ATXN1: variants seen among roughly 807,000 people sequenced by gnomAD.
The protein encoded by ATXN1 is ataxin-1.
ATXN1 carries 8 observed loss-of-function variants against 56.4 expected under a neutral mutation model. That is an observed-to-expected ratio of 0.14 (90% CI 0.08 to 0.26). The LOEUF is 0.26. Among genes scored for constraint, ATXN1 ranks in the 10% least tolerant of loss-of-function variants. The pLI, the probability that ATXN1 is intolerant of heterozygous loss-of-function variation, is 1.00. For synonymous variants in ATXN1, 514 were observed against 494.6 expected, an observed-to-expected ratio of 1.04 and a Z score of -0.52; for missense variants, 987 against 1,106.5, an observed-to-expected ratio of 0.89 and a Z score of 1.53.
intron 4 of ATXN1, among the ~76,000 whole-genome samples, chr6:16,558,390 T>C (rs1476452368): frequency 1.3e-5 from 2 of 152,150 alleles, no homozygotes; most frequent in African/African-American, 4.8e-5. Flanking sequence ...TTATTTTCTT[T>C]TAGAGACAGG....
chr6:16,670,427 G>A (rs1758516890), intron 2 of ATXN1, among the ~76,000 whole-genome samples: 1 of 152,172 alleles, frequency 6.6e-6, no homozygotes, highest in Non-Finnish European at 1.5e-5. Flanking sequence ...AAAGAGGAAG[G>A]GGGATGTGAA....
chr6:16,349,569 G>A (rs1238206180), intron 6 of ATXN1, among the ~76,000 whole-genome samples: 3 of 151,902 alleles, frequency 2.0e-5, no homozygotes, highest in East Asian at 1.9e-4. Flanking sequence ...GTTACTTCCT[G>A]CATCATAGAC....
At chr6:16,714,871 G>T (rs890234264) in intron 2 of ATXN1, among the ~76,000 whole-genome samples, 1 of 151,926 alleles carries the variant, frequency 6.6e-6, no homozygotes, top group Admixed American at 6.5e-5. Flanking sequence ...GAATTTGCCA[G>T]ATAAGCCACA....
chr6:16,664,965 T>C lies in ATXN1; in HGVS notation c.-614-7064A>G, dbSNP rs539259329. 2.0e-3 allele frequency among the ~76,000 whole-genome samples: 301 copies of C among 152,312 alleles called. 1 individual carries two copies. Among genetic ancestry groups the C allele is most frequent in the African/African-American group, 6.7e-3 (279 of 41,560 alleles). On this transcript the variant is annotated intron_variant, in intron 2 of 7. Coordinates refer to ENST00000436367, the MANE Select transcript of ATXN1 (RefSeq NM_001128164.2). ...TAACATCTTTATGAAAAAATAATTA[T>C]ATTTTTCAGAACAAAAAAGTTAGTG...
intron 3 of ATXN1, among the ~76,000 whole-genome samples, chr6:16,646,007 C>T (rs781684931): frequency 6.6e-6 from 1 of 152,034 alleles, no homozygotes; most frequent in Non-Finnish European, 1.5e-5. Context: ...ATTGCTGGAA[C>T]ACAGGGCTCC....
chr6:16,344,099 G>C (rs1416735860), intron 6 of ATXN1, among the ~76,000 whole-genome samples: 1 of 152,104 alleles, frequency 6.6e-6, no homozygotes, highest in Non-Finnish European at 1.5e-5. Context: ...CATCTTTCAG[G>C]TCTCTCCTTC....
At chr6:16,308,251 G>A (rs1280862063) in intron 7 of ATXN1, among the ~76,000 whole-genome samples, 4 of 151,890 alleles carry the variant, frequency 2.6e-5, no homozygotes, top group Non-Finnish European at 5.9e-5. Context: ...GCTTGAACCC[G>A]GGAGGCGGAG....
At chr6:16,345,713 C>A (rs1024580057) in intron 6 of ATXN1, among the ~76,000 whole-genome samples, 1 of 152,108 alleles carries the variant, frequency 6.6e-6, no homozygotes, top group Non-Finnish European at 1.5e-5. Flanking sequence ...AAGATGGCCC[C>A]GAGTTGTTTC....
intron 6 of ATXN1, among the ~76,000 whole-genome samples, chr6:16,447,893 G>T (rs1022274469): frequency 1.3e-5 from 2 of 152,084 alleles, no homozygotes; most frequent in African/African-American, 2.4e-5. Flanking sequence ...TTAAGTAACT[G>T]TAGTTTCAGA....
At chr6:16,757,333 T>C (rs1458686410) in intron 1 of ATXN1, among the ~76,000 whole-genome samples, 1 of 152,232 alleles carries the variant, frequency 6.6e-6, no homozygotes, top group Non-Finnish European at 1.5e-5. Context: ...CATGAATTTA[T>C]TTGTGCACTG....
intron 3 of ATXN1, among the ~76,000 whole-genome samples, chr6:16,653,268 G>A (rs867510683): frequency 6.6e-6 from 1 of 152,204 alleles, no homozygotes; most frequent in African/African-American, 2.4e-5. Flanking sequence ...TGGAACAAGA[G>A]GCGGACGGAA....
At chr6:16,392,930 C>T (rs938010313) in intron 6 of ATXN1, among the ~76,000 whole-genome samples, 1 of 152,194 alleles carries the variant, frequency 6.6e-6, no homozygotes, top group Admixed American at 6.5e-5. Context: ...TGTGTTTGAA[C>T]AAGTCCTCCA....
intron 6 of ATXN1, among the ~76,000 whole-genome samples, chr6:16,337,861 C>G (rs774888536): frequency 1.3e-5 from 2 of 152,102 alleles, no homozygotes; most frequent in Non-Finnish European, 2.9e-5. Context: ...AGGACTGATG[C>G]AAGAAGATGA....
At chr6:16,576,798 G>A (rs1198557397) in intron 4 of ATXN1, among the ~76,000 whole-genome samples, 1 of 152,138 alleles carries the variant, frequency 6.6e-6, no homozygotes, top group East Asian at 1.9e-4. Flanking sequence ...TAACCCCCAT[G>A]TTAGCATGCA....
At chr6:16,613,277 A>C (rs1180229558) in intron 3 of ATXN1, among the ~76,000 whole-genome samples, 2 of 150,518 alleles carry the variant, frequency 1.3e-5, no homozygotes, top group African/African-American at 4.9e-5. Flanking sequence ...GTCTCAAAAA[A>C]AAAAAAAAAA....
At chr6:16,350,446 C>G (rs1252255848) in intron 6 of ATXN1, among the ~76,000 whole-genome samples, 3 of 152,210 alleles carry the variant, frequency 2.0e-5, no homozygotes, top group Admixed American at 1.3e-4. Context: ...CACTCCGGTT[C>G]CATATTTCTG....
At chr6:16,734,618 C>T (rs1045543455) in intron 2 of ATXN1, among the ~76,000 whole-genome samples, 1 of 152,186 alleles carries the variant, frequency 6.6e-6, no homozygotes, top group African/African-American at 2.4e-5. Context: ...AGCAATTCTC[C>T]TGCCTCAGCC....
chr6:16,583,039 A>G (rs1448839921), intron 4 of ATXN1, among the ~76,000 whole-genome samples: 1 of 152,168 alleles, frequency 6.6e-6, no homozygotes. Flanking sequence ...GAACTTATTA[A>G]TTTTGTTGAA....
Position 16,331,469 on chromosome 6 carries a change from G to A in ATXN1, c.-160-2999C>T, listed in dbSNP as rs977885372. On this transcript the variant is annotated intron_variant, in intron 6 of 7. Coordinates refer to ENST00000436367, the MANE Select transcript of ATXN1 (RefSeq NM_001128164.2). ...ACCAACGAGCAAGGAAAACTCATGC[G>A]TGAGACCTACTCAGAGAGAACCAGT... is the stretch of plus-strand genomic sequence containing the variant. Among the ~76,000 whole-genome samples, 4 of 152,186 alleles carry A rather than the reference G, an allele frequency of 2.6e-5. No homozygotes were observed. In the East Asian group the frequency reaches 7.7e-4, roughly 29 times the overall value.
Sources: gnomAD v4.1 joint callset for allele counts (sites outside exome capture counted in the v4.1 genomes callset) on GRCh38, gnomAD v4.1.1 for gene constraint, MANE v1.5 for transcripts, NCBI Gene and HGNC (gene_info 2026-07-23, HGNC 2026-07-21) for gene names.